IQCM: variants seen among roughly 807,000 people sequenced by gnomAD.
The protein encoded by IQCM is IQ domain-containing protein M.
Under a neutral mutation model 57.6 loss-of-function variants are expected in IQCM, and 45 were observed. The ratio of observed to expected loss-of-function variants is 0.78; its 90% confidence interval spans 0.62 to 1.00. IQCM has a LOEUF of 1.00. Among genes scored for constraint, IQCM ranks in the 50% least tolerant of loss-of-function variants. The pLI is 0.00. For synonymous variants in IQCM, 148 were observed against 158.9 expected (o/e 0.93, Z 0.51); for missense variants, 468 against 511.6 (o/e 0.91, Z 0.82).
At chr4:149,705,970 AC>A (rs1764128741) in intron 5 of IQCM, among the ~76,000 whole-genome samples, 1 of 151,958 alleles carries the variant, frequency 6.6e-6, no homozygotes, top group Non-Finnish European at 1.5e-5. Flanking sequence ...AATATACAGT[AC>A]TCAATAAGTA....
At chr4:149,717,143 T>C (rs967237937) in intron 5 of IQCM, among the ~76,000 whole-genome samples, 2 of 152,144 alleles carry the variant, frequency 1.3e-5, no homozygotes, top group Non-Finnish European at 2.9e-5. Flanking sequence ...GCTGAGAAAA[T>C]TCATCAAACT....
chr4:149,431,862 G>A (rs1302521945), intron 13 of IQCM, among the ~76,000 whole-genome samples: 2 of 151,564 alleles, frequency 1.3e-5, no homozygotes, highest in African/African-American at 4.8e-5. Flanking sequence ...ACCAAATTTT[G>A]TTCATTCATT....
At chr4:149,382,992 CAAAAAAA>C (rs202088268) in intron 13 of IQCM, among the ~76,000 whole-genome samples, 1 of 103,970 alleles carries the variant, frequency 9.6e-6, no homozygotes, top group Non-Finnish European at 2.1e-5. Flanking sequence ...TATTCTTCAG[CAAAAAAA>C]AAAAAAAAAG....
At chr4:149,800,071 G>A (rs1192341830) in intron 2 of IQCM, among the ~76,000 whole-genome samples, 1 of 151,644 alleles carries the variant, frequency 6.6e-6, no homozygotes, top group African/African-American at 2.4e-5. Flanking sequence ...AAATATCTCT[G>A]CTGCATATTG....
chr4:149,520,597 C>T (rs1503707), intron 12 of IQCM, among the ~76,000 whole-genome samples: 4 of 152,054 alleles, frequency 2.6e-5, no homozygotes, highest in African/African-American at 9.6e-5. Flanking sequence ...TTAAAATGTA[C>T]CATCTCAAGG....
chr4:149,525,472 C>G (rs1432322129), intron 12 of IQCM, among the ~76,000 whole-genome samples: 2 of 151,584 alleles, frequency 1.3e-5, no homozygotes, highest in Non-Finnish European at 3.0e-5. Flanking sequence ...GAACAAAGGG[C>G]CCTTAACTAG....
At chr4:149,632,270 A>C (rs184195945) in intron 7 of IQCM, among the ~76,000 whole-genome samples, 3 of 152,356 alleles carry the variant, frequency 2.0e-5, no homozygotes, top group Admixed American at 2.0e-4. Flanking sequence ...TTTATAATGA[A>C]GAGGTATTTG....
chr4:149,790,997 G>T (rs1772550355), intron 2 of IQCM, among the ~76,000 whole-genome samples: 1 of 151,976 alleles, frequency 6.6e-6, no homozygotes, highest in Non-Finnish European at 1.5e-5. Context: ...AGAAAGAAAA[G>T]AACTCTCTTA....
chr4:149,680,647 T>C (rs552601310), intron 7 of IQCM, among the ~76,000 whole-genome samples: 3 of 151,398 alleles, frequency 2.0e-5, no homozygotes, highest in African/African-American at 7.2e-5. Context: ...TCTTTTAGCT[T>C]CTATGAAGTT....
intron 5 of IQCM, among the ~76,000 whole-genome samples, chr4:149,712,028 C>G (rs1295244063): frequency 6.6e-6 from 1 of 152,098 alleles, no homozygotes; most frequent in Non-Finnish European, 1.5e-5. Flanking sequence ...GGGACCAAAA[C>G]CAGAAGGATT....
At chr4:149,811,306 T>G (rs994502075) in intron 2 of IQCM, among the ~76,000 whole-genome samples, 1 of 152,184 alleles carries the variant, frequency 6.6e-6, no homozygotes, top group African/African-American at 2.4e-5. Flanking sequence ...AATTCTGGGC[T>G]TTTCTCCTTG....
At chr4:149,617,216 T>A (rs1456055374) in intron 8 of IQCM, among the ~76,000 whole-genome samples, 1 of 152,008 alleles carries the variant, frequency 6.6e-6, no homozygotes, top group Admixed American at 6.6e-5. Context: ...CAGCCTCCCA[T>A]AGTGCTGGAA....
intron 12 of IQCM, among the ~76,000 whole-genome samples, chr4:149,493,843 G>A (rs1485720674): frequency 6.6e-6 from 1 of 150,518 alleles, no homozygotes; most frequent in Non-Finnish European, 1.5e-5. Flanking sequence ...AGGTGGGTGC[G>A]AGTAGTTGGG....
chr4:149,629,677 C>T (rs1192566816), intron 7 of IQCM, among the ~76,000 whole-genome samples: 1 of 151,662 alleles, frequency 6.6e-6, no homozygotes, highest in Non-Finnish European at 1.5e-5. Context: ...TAACTAATGG[C>T]AATTTTAGAG....
chr4:149,752,559 A>G (rs1296812312), intron 2 of IQCM, among the ~76,000 whole-genome samples: 1 of 151,890 alleles, frequency 6.6e-6, no homozygotes, highest in African/African-American at 2.4e-5. Flanking sequence ...TTAAAAAAAA[A>G]AAAAAAAATG....
rs70965194 is a variant in IQCM, at chr4:149,619,107, G to GATATATATAT, written c.681+2012_681+2021dup. On this transcript the variant is annotated intron_variant, in intron 8 of 13. Coordinates refer to ENST00000636793, the MANE Select transcript of IQCM (RefSeq NM_001363507.2). ...ATGACTGGATTAAAAATGTGGGATG[G>GATATATATAT]ATATATATATATATATATATATATA... 8.7e-3 allele frequency among the ~76,000 whole-genome samples: 1,100 copies of GATATATATAT among 126,646 alleles called. 12 individuals are homozygous for GATATATATAT. Among genetic ancestry groups the GATATATATAT allele is most frequent in the South Asian group, 0.024 (96 of 4,038 alleles). 83.1% of individuals were successfully genotyped at this position (126,646 alleles called of 152,430 possible).
At chr4:149,633,590 T>C (rs1287559871) in intron 7 of IQCM, among the ~76,000 whole-genome samples, 5 of 152,336 alleles carry the variant, frequency 3.3e-5, no homozygotes, top group Admixed American at 1.3e-4. Flanking sequence ...AATGTGGTTC[T>C]TTTGAGAAAC....
At chr4:149,668,821 T>TA (rs1358142959) in intron 7 of IQCM, among the ~76,000 whole-genome samples, 1 of 152,060 alleles carries the variant, frequency 6.6e-6, no homozygotes, top group Non-Finnish European at 1.5e-5. Flanking sequence ...TCAGCAAAAC[T>TA]AAAAGTTGGC....
chr4:149,807,106 A>T (rs1774154404), intron 2 of IQCM, among the ~76,000 whole-genome samples: 1 of 151,990 alleles, frequency 6.6e-6, no homozygotes, highest in African/African-American at 2.4e-5. Context: ...TACATATCCA[A>T]CACAATCCCT....
Sources: allele counts gnomAD v4.1 joint callset (sites outside exome capture counted in the v4.1 genomes callset), GRCh38; gene constraint gnomAD v4.1.1; transcripts MANE v1.5; gene names NCBI Gene and HGNC (gene_info 2026-07-23, HGNC 2026-07-21).